The following PDS5A variants were observed in gnomAD, a reference collection of about 807,000 sequenced individuals.
PDS5A encodes PDS5 cohesin associated factor A.
PDS5A carries 42 observed loss-of-function variants against 167.1 expected under a neutral mutation model. That is an observed-to-expected ratio of 0.25 (90% CI 0.20 to 0.33). PDS5A has a LOEUF of 0.33. PDS5A is among the 10% of genes least tolerant of loss of function. The pLI, the probability that PDS5A is intolerant of heterozygous loss-of-function variation, is 1.00. For synonymous variants in PDS5A, 553 were observed against 554.6 expected (o/e 1.00, Z 0.04); for missense variants, 1,033 against 1,605.9 (o/e 0.64, Z 6.10).
chr4:39,954,851 G>C (rs915808917), intron 2 of PDS5A, among the ~76,000 whole-genome samples: 1 of 151,478 alleles, frequency 6.6e-6, no homozygotes, highest in African/African-American at 2.4e-5. Flanking sequence ...TTGAGACCTG[G>C]GCAACATGAC....
At chr4:39,920,461 T>C in intron 6 of PDS5A, 62 bp from the exon 7 acceptor site, 1 of 718,100 alleles carries the variant, frequency 1.4e-6, no homozygotes, top group Admixed American at 2.4e-5. Context: ...ATAGTAACAT[T>C]AGAATACTGT....
chr4:39,892,421 A>C lies in PDS5A; in HGVS notation c.1771-2057T>G, dbSNP rs535292716. Among the ~76,000 whole-genome samples, 10 of 152,350 alleles carry C rather than the reference A, an allele frequency of 6.6e-5. No homozygotes were observed. The South Asian group carries it at 1.5e-3, about 22-fold the overall frequency. Reference sequence around the variant, plus strand: ...AAAGCATCTCCTCTGATATCCAGTCAGCCAAACTGAAAATATAGCAGTCAT... The same window carrying C: ...AAAGCATCTCCTCTGATATCCAGTCCGCCAAACTGAAAATATAGCAGTCAT... On this transcript the variant is annotated intron_variant, in intron 16 of 32. Coordinates refer to ENST00000303538, the MANE Select transcript of PDS5A (RefSeq NM_001100399.2).
At chr4:39,837,388 G>GT (rs1204680583) in intron 32 of PDS5A, 1 of 154,634 alleles carries the variant, frequency 6.5e-6, no homozygotes, top group Non-Finnish European at 1.4e-5. Flanking sequence ...TTGGTAAGTT[G>GT]TTTTTCTGGG....
intron 2 of PDS5A, among the ~76,000 whole-genome samples, chr4:39,963,374 G>A (rs1426171249): frequency 6.6e-6 from 1 of 151,834 alleles, no homozygotes; most frequent in African/African-American, 2.4e-5. Flanking sequence ...CAGGAGAATC[G>A]CCTGAACCTA....
chr4:39,943,563 C>T (rs1727432493), intron 2 of PDS5A, among the ~76,000 whole-genome samples: 1 of 146,616 alleles, frequency 6.8e-6, no homozygotes, highest in Non-Finnish European at 1.5e-5. Context: ...GCAGGCGGAT[C>T]ACTTGAGGTC....
At chr4:39,842,911 A>T (rs1273431025) in intron 30 of PDS5A, among the ~76,000 whole-genome samples, 7 of 67,328 alleles carry the variant, frequency 1.0e-4, no homozygotes, top group African/African-American at 3.0e-4. Context: ...TCCTATTTTT[A>T]TATATATATA....
chr4:39,882,993 C>T (rs79103862), intron 17 of PDS5A, among the ~76,000 whole-genome samples: 1 of 152,016 alleles, frequency 6.6e-6, no homozygotes, highest in Non-Finnish European at 1.5e-5. Context: ...GTAATGGACG[C>T]CTTGAGTGAA....
chr4:39,839,525 C>T (rs563749763), intron 31 of PDS5A, among the ~76,000 whole-genome samples: 20 of 151,452 alleles, frequency 1.3e-4, no homozygotes, highest in African/African-American at 2.7e-4. Context: ...GCCGAGATCG[C>T]GCCACTGCAC....
Position 39,884,357 on chromosome 4 carries a change from T to G in PDS5A, c.1887-4524A>C, listed in dbSNP as rs563570133. On this transcript the variant is annotated intron_variant, in intron 17 of 32. Transcript: ENST00000303538. ...TCCCTTTAACATGCTCAAGCCTCAGTGTAGCCAAGTGGTACCTAGTGGCTT... is the reference window on the plus strand; with the variant it reads ...TCCCTTTAACATGCTCAAGCCTCAGGGTAGCCAAGTGGTACCTAGTGGCTT... 1.7e-3 allele frequency among the ~76,000 whole-genome samples: 264 copies of G among 152,330 alleles called. 1 individual carries two copies. Among genetic ancestry groups the G allele is most frequent in the African/African-American group, 6.1e-3 (253 of 41,568 alleles).
chr4:39,931,360 A>C (rs1402990609), intron 2 of PDS5A, among the ~76,000 whole-genome samples: 2 of 152,112 alleles, frequency 1.3e-5, no homozygotes, highest in Non-Finnish European at 2.9e-5. Context: ...CCCAAAACTC[A>C]GTGCCTTAAA....
chr4:39,857,801 A>T (rs1326370876), intron 26 of PDS5A, among the ~76,000 whole-genome samples: 1 of 152,154 alleles, frequency 6.6e-6, no homozygotes, highest in Non-Finnish European at 1.5e-5. Flanking sequence ...CCTTAATAAG[A>T]ACTGGAGACA....
chr4:39,896,779 A>C (rs964690819), intron 16 of PDS5A, among the ~76,000 whole-genome samples: 8 of 149,780 alleles, frequency 5.3e-5, no homozygotes, highest in African/African-American at 2.0e-4. Flanking sequence ...AAAAAAAAAG[A>C]AAGTTTTAAA....
At position 39,918,182 on chromosome 4, in the gene PDS5A, C is replaced by CAAAAA. The variant is rs11447119; in HGVS notation, c.736-999_736-995dup. Among the ~76,000 whole-genome samples, 108 of 88,554 alleles carry CAAAAA rather than the reference C, an allele frequency of 1.2e-3. 1 individual carries two copies. The highest frequency in any genetic ancestry group is 0.015 in the Middle Eastern group (2 of 134). 58.1% of individuals were successfully genotyped at this position (88,554 alleles called of 152,430 possible). On this transcript the variant is annotated intron_variant, in intron 7 of 32. Coordinates refer to ENST00000303538, the MANE Select transcript of PDS5A (RefSeq NM_001100399.2). ...TGGGAGACAGAACAAGACCCTGTCTCAAAAAAAAAAAAAAAAAAACAGAAT... is the reference window on the plus strand; with the variant it reads ...TGGGAGACAGAACAAGACCCTGTCTCAAAAAAAAAAAAAAAAAAAAAAAACAGAAT...
Position 39,898,622 on chromosome 4 carries a change from C to T in PDS5A, c.1631-94G>A, listed in dbSNP as rs951770819. On this transcript the variant is annotated intron_variant, in intron 15 of 32. Transcript: ENST00000303538. Reference sequence around the variant, plus strand: ...AGGTGCCATCAAAATATTGCGGAGCCACTAAAAGAAAATCAGCCTAGCTGG... The same window carrying T: ...AGGTGCCATCAAAATATTGCGGAGCTACTAAAAGAAAATCAGCCTAGCTGG... 6.2e-6 allele frequency: 6 copies of T among 961,140 alleles called. No individual in the cohort carries two copies. In the African/African-American group the frequency reaches 1.0e-4, roughly 16 times the overall value. 59.5% of individuals were successfully genotyped at this position (961,140 alleles called of 1,614,324 possible).
At chr4:39,892,537 C>CA (rs1722064119) in intron 16 of PDS5A, among the ~76,000 whole-genome samples, 1 of 152,168 alleles carries the variant, frequency 6.6e-6, no homozygotes, top group Admixed American at 6.5e-5. Flanking sequence ...GACCTATTTC[C>CA]ACCCCTGCCT....
Position 39,874,426 on chromosome 4 carries a change from T to C in PDS5A, c.2154-14A>G, listed in dbSNP as rs1374172056. 6 of 1,607,426 alleles carry C rather than the reference T, an allele frequency of 3.7e-6. No individual in the cohort carries two copies. The South Asian group carries it at 6.6e-5, about 18-fold the overall frequency. On this transcript the variant is annotated splice_polypyrimidine_tract_variant and intron_variant, in intron 19 of 32. Coordinates refer to ENST00000303538, the MANE Select transcript of PDS5A (RefSeq NM_001100399.2). ...GGAATTAAGGTCCTGCAAAAAATAA[T>C]ATAGTTGTTTTTTTTTCTTAAACCC...
At chr4:39,897,897 G>T in intron 16 of PDS5A, 3 of 281,264 alleles carry the variant, frequency 1.1e-5, no homozygotes, top group Non-Finnish European at 1.6e-5. Context: ...ATAAATGAAT[G>T]CATAAGTTTT....
intron 26 of PDS5A, among the ~76,000 whole-genome samples, chr4:39,858,540 T>C (rs1207512063): frequency 6.6e-6 from 1 of 152,228 alleles, no homozygotes; most frequent in African/African-American, 2.4e-5. Context: ...GTTTACCTTA[T>C]ACCACATGCA....
rs576049218 is a variant in PDS5A at position 39,972,987 on chromosome 4, G to A, written c.138+3453C>T. The A allele has an allele frequency of 3.6e-3, 1,315 of 369,864 alleles. 13 individuals carry two copies. Among genetic ancestry groups the A allele is most frequent in the African/African-American group, 0.025 (1,146 of 46,752 alleles). 22.9% of individuals were successfully genotyped at this position (369,864 alleles called of 1,614,324 possible). A position where few individuals can be genotyped will look rare whatever the true frequency, so the allele number is the denominator to read the frequency against. On this transcript the variant is annotated intron_variant, in intron 2 of 32. Transcript: ENST00000303538. The stretch of plus-strand genomic sequence containing the variant: ...TGTTTGCTAGACCTGGCATTTGCTC[G>A]GTACATAATGTTCAAAGTTTCCTTT...
Sources: allele counts gnomAD v4.1 joint callset (sites outside exome capture counted in the v4.1 genomes callset), GRCh38; gene constraint gnomAD v4.1.1; transcripts MANE v1.5; gene names NCBI Gene and HGNC (gene_info 2026-07-23, HGNC 2026-07-21).